The following L2HGDH variants were observed in gnomAD, a reference collection of about 807,000 sequenced individuals.
L2HGDH encodes the protein L-2-hydroxyglutarate dehydrogenase, also known as L-2-hydroxyglutarate dehydrogenase, mitochondrial.
A neutral mutation model predicts 51.5 loss-of-function variants in L2HGDH; 34 were observed. The ratio of observed to expected loss-of-function variants is 0.66; its 90% confidence interval spans 0.50 to 0.88. The LOEUF (loss-of-function observed/expected upper bound fraction) is 0.88. L2HGDH is among the 40% of genes least tolerant of loss of function. The pLI, the probability that L2HGDH is intolerant of heterozygous loss-of-function variation, is 0.00. For missense variants in L2HGDH, 558 were observed against 571.9 expected, an observed-to-expected ratio of 0.98 and a Z score of 0.25; for synonymous variants, 198 against 197.9, an observed-to-expected ratio of 1.00 and a Z score of -0.01.
intron 5 of L2HGDH, among the ~76,000 whole-genome samples, chr14:50,283,422 C>G (rs907961859): frequency 6.6e-6 from 1 of 152,112 alleles, no homozygotes; most frequent in African/African-American, 2.4e-5. Context: ...CTGTACCTAC[C>G]TCTGGTTCTG....
chr14:50,247,920 TG>T (rs1394232710), intron 9 of L2HGDH, among the ~76,000 whole-genome samples: 1 of 152,036 alleles, frequency 6.6e-6, no homozygotes, highest in African/African-American at 2.4e-5. Context: ...GAGATAGTCT[TG>T]ATCTGTTGCT....
At chr14:50,282,399 T>C (rs917771737) in intron 5 of L2HGDH, 2 of 454,826 alleles carry the variant, frequency 4.4e-6, no homozygotes, top group Admixed American at 4.7e-5. Flanking sequence ...CCAGTCTTTT[T>C]CCTTCATTCT....
At chr14:50,299,128 G>GA (rs1391466820) in intron 3 of L2HGDH, among the ~76,000 whole-genome samples, 2 of 152,018 alleles carry the variant, frequency 1.3e-5, no homozygotes, top group African/African-American at 4.8e-5. Flanking sequence ...AATCAGAGAT[G>GA]AAAAAAGAGA....
chr14:50,300,263 A>G (rs1013906718), intron 3 of L2HGDH, among the ~76,000 whole-genome samples: 2 of 152,110 alleles, frequency 1.3e-5, no homozygotes, highest in Non-Finnish European at 1.5e-5. Context: ...AAGGTAATGC[A>G]TATGTTGGTG....
At chr14:50,264,150 C>T (rs1375629372) in intron 9 of L2HGDH, among the ~76,000 whole-genome samples, 3 of 150,210 alleles carry the variant, frequency 2.0e-5, no homozygotes, top group South Asian at 2.2e-4. Flanking sequence ...GAGGCTGAGG[C>T]GTGTGGATCG....
intron 6 of L2HGDH, among the ~76,000 whole-genome samples, chr14:50,273,885 C>T (rs1414209127): frequency 1.3e-5 from 2 of 152,048 alleles, no homozygotes; most frequent in Non-Finnish European, 2.9e-5. Flanking sequence ...TCAAAACCAG[C>T]CCGACCAACA....
At chr14:50,302,871 G>T in intron 2 of L2HGDH, 31 bp downstream of exon 2, 1 of 1,418,610 alleles carries the variant, frequency 7.0e-7, no homozygotes, top group Non-Finnish European at 1.0e-6. Flanking sequence ...GCCCAAGTAA[G>T]CCCAAAGAAC....
intron 3 of L2HGDH, among the ~76,000 whole-genome samples, chr14:50,296,566 C>A: frequency 7.0e-6 from 1 of 143,474 alleles, no homozygotes; most frequent in African/African-American, 2.6e-5. Context: ...ACCTATAACA[C>A]ATGAAGTGAT....
rs1402648920 is a variant in L2HGDH at position 50,244,627 on chromosome 14, G to A, written c.*2431C>T. 2.0e-6 allele frequency: 2 copies of A among 985,248 alleles called. No homozygotes were observed. The highest frequency in any genetic ancestry group is 2.4e-6 in the Non-Finnish European group (2 of 829,924). The allele number at this position is 985,248 out of a possible 1,614,324, so 61.0% of individuals were successfully genotyped here. On this transcript the variant is annotated 3_prime_UTR_variant, in exon 10 of 10. Coordinates refer to ENST00000267436, the MANE Select transcript of L2HGDH (RefSeq NM_024884.3). ...AATGCTTTTAATATACTCATCCTAA[G>A]AGTTGAATAATGGCCTACTCTGTTT...
rs1889533000 is a variant in L2HGDH, at chr14:50,269,309, A to G, written c.760T>C (p.Tyr254His). ...NTKGEEIRCQ[Y>H]VVTCAGLYSD... is the part of the protein sequence containing the mutation. The stretch of plus-strand genomic sequence containing the variant: ...TAAAGTCCTGCACATGTCACAACAT[A>G]CTGACATCGAATTTCCTCTCCCTAG... Residue 254 changes from tyrosine to histidine, a missense_variant, in exon 7 of 10, where the codon TAT (tyrosine) becomes CAT (histidine). By Grantham distance (83) the Tyr-to-His change is moderately conservative. Transcript: ENST00000267436. 1.2e-6 allele frequency: 2 copies of G among 1,614,030 alleles called. No individual in the cohort carries two copies. The highest frequency in any genetic ancestry group is 2.2e-5 in the East Asian group (1 of 44,882).
intron 4 of L2HGDH, among the ~76,000 whole-genome samples, chr14:50,290,034 G>A (rs555516657): frequency 6.6e-6 from 1 of 152,330 alleles, no homozygotes; most frequent in East Asian, 1.9e-4. Flanking sequence ...GGGAGGCTGA[G>A]GCGGGCGGAT....
In L2HGDH at chr14:50,278,508, A is replaced by G; in HGVS notation, c.738+12T>C. The G allele has an allele frequency of 6.8e-7, 1 of 1,477,282 alleles. No individual in the cohort carries two copies. Among genetic ancestry groups the G allele is most frequent in the Non-Finnish European group, 9.4e-7 (1 of 1,061,978 alleles). The allele number at this position is 1,477,282 out of a possible 1,614,324, so 91.5% of individuals were successfully genotyped here. ...AAGAAAGTAGCCAGCAGTTTTGCTT[A>G]AGAATCTTTACCTTTGTATTCTTTA... On this transcript the variant is annotated intron_variant, in intron 6 of 9. Coordinates refer to ENST00000267436, the MANE Select transcript of L2HGDH (RefSeq NM_024884.3).
Position 50,269,141 on chromosome 14 carries a change from A to C in L2HGDH, c.906+22T>G, listed in dbSNP as rs201525290. The C allele has an allele frequency of 2.6e-4, 415 of 1,609,088 alleles. 1 individual carries two copies. The highest frequency in any genetic ancestry group is 6.6e-4 in the Middle Eastern group (4 of 6,030). On this transcript the variant is annotated intron_variant, in intron 7 of 9. Coordinates refer to ENST00000267436, the MANE Select transcript of L2HGDH (RefSeq NM_024884.3). ...CACCACCTGCTTGAAAAAAATGAGAAGTAGGAAGCATCATTACCTACCGGA... is the reference window on the plus strand; with the variant it reads ...CACCACCTGCTTGAAAAAAATGAGACGTAGGAAGCATCATTACCTACCGGA...
At chr14:50,270,178 GTTTGC>G (rs1889588221) in intron 6 of L2HGDH, among the ~76,000 whole-genome samples, 1 of 152,126 alleles carries the variant, frequency 6.6e-6, no homozygotes, top group Non-Finnish European at 1.5e-5. Context: ...TACGTTCAAC[GTTTGC>G]TTTAGTGACC....
At chr14:50,306,285 G>A (rs544309782) in intron 1 of L2HGDH, among the ~76,000 whole-genome samples, 8 of 152,160 alleles carry the variant, frequency 5.3e-5, no homozygotes, top group African/African-American at 1.7e-4. Context: ...TCTTGACCTC[G>A]TGATCCGCCC....
At chr14:50,295,744 T>C (rs1246777549) in intron 3 of L2HGDH, among the ~76,000 whole-genome samples, 1 of 142,428 alleles carries the variant, frequency 7.0e-6, no homozygotes, top group East Asian at 2.1e-4. Context: ...TTTCATAGCA[T>C]CTTTTTTTTT....
chr14:50,300,997 T>C (rs558840448), intron 3 of L2HGDH, among the ~76,000 whole-genome samples: 1 of 152,252 alleles, frequency 6.6e-6, no homozygotes, highest in Admixed American at 6.5e-5. Flanking sequence ...GCTAACTTTT[T>C]AAATTTTTTG....
chr14:50,305,280 C>G (rs1310283844), intron 1 of L2HGDH, among the ~76,000 whole-genome samples: 1 of 152,110 alleles, frequency 6.6e-6, no homozygotes, highest in Non-Finnish European at 1.5e-5. Flanking sequence ...AAATGGTTGT[C>G]AAGGATGGTG....
chr14:50,264,708 CAG>C (rs1031025789), intron 9 of L2HGDH, among the ~76,000 whole-genome samples: 13 of 152,088 alleles, frequency 8.5e-5, no homozygotes, highest in African/African-American at 2.7e-4. Context: ...AAGGAAACAA[CAG>C]ACACTGCAGT....
Sources: gnomAD v4.1 joint callset for allele counts (sites outside exome capture counted in the v4.1 genomes callset) on GRCh38, gnomAD v4.1.1 for gene constraint, MANE v1.5 for transcripts, NCBI Gene and HGNC (gene_info 2026-07-23, HGNC 2026-07-21) for gene names.